INHBA: variants seen among roughly 807,000 people sequenced by gnomAD.
INHBA encodes the protein inhibin subunit beta A, also known as inhibin beta A chain.
INHBA carries 1 observed loss-of-function variant against 29.0 expected under a neutral mutation model. The ratio of observed to expected loss-of-function variants is 0.03; its 90% CI spans 0.01 to 0.16. The LOEUF (loss-of-function observed/expected upper bound fraction) is 0.16. INHBA is among the 10% of genes least tolerant of loss of function. The pLI, the probability that INHBA is intolerant of heterozygous loss-of-function variation, is 1.00. For missense variants in INHBA, 376 were observed against 545.4 expected (o/e 0.69, Z 3.09); for synonymous variants, 242 against 216.8 (o/e 1.12, Z -1.02).
chr7:41,690,136 C>T lies in INHBA; in HGVS notation c.795G>A (p.Glu265=), dbSNP rs376818031. ...VLLGKKKKKE[E]EGEGKKKGGG... ...CGCCCTTCTTTTTCCCTTCCCCCTC[C>T]TCTTCTTTCTTCTTCTTCTTGCCCA... The change falls in exon 3 of 3, where the codon GAG becomes GAA. Residue 265 remains glutamate, a synonymous_variant. Transcript: ENST00000242208. 16 of 1,613,490 alleles carry T rather than the reference C, an allele frequency of 9.9e-6. No homozygotes were observed. Among genetic ancestry groups the T allele is most frequent in the Non-Finnish European group, 1.4e-5 (16 of 1,179,976 alleles).
upstream of INHBA, chr7:41,705,183 T>G (rs987896956): frequency 1.3e-5 from 2 of 152,810 alleles, no homozygotes; most frequent in South Asian, 2.1e-4. Context: ...AGAATCTCCT[T>G]CTCCTTCCTT....
rs3030163 is a variant in INHBA at position 41,700,841 on chromosome 7, A to AAGAGAGAGAGAGAGAGAGAGAGAG, written c.-143-348_-143-325dup. Among the ~76,000 whole-genome samples, 134 of 79,140 alleles carry AAGAGAGAGAGAGAGAGAGAGAGAG rather than the reference A, an allele frequency of 1.7e-3. 6 individuals carry two copies. Among genetic ancestry groups the AAGAGAGAGAGAGAGAGAGAGAGAG allele is most frequent in the African/African-American group, 2.0e-3 (40 of 20,252 alleles). 51.9% of individuals were successfully genotyped at this position (79,140 alleles called of 152,430 possible). A position where few individuals can be genotyped will look rare whatever the true frequency, so the allele number is the denominator to read the frequency against. ...AGGGGGAGAGGGAGAGAGGGAAAGG[A>AAGAGAGAGAGAGAGAGAGAGAGAG]AGAGAGAGAGAGAGAGAGAGAGAGA... On this transcript the variant is annotated intron_variant, in intron 1 of 2. Transcript: ENST00000242208.
chr7:41,700,471 T>TA lies in INHBA; in HGVS notation c.-98_-97insT, dbSNP rs1562571146. The TA allele has an allele frequency of 2.5e-6, 3 of 1,179,352 alleles. No homozygotes were observed. Among genetic ancestry groups the TA allele is most frequent in the Non-Finnish European group, 2.2e-6 (2 of 891,334 alleles). The allele number at this position is 1,179,352 out of a possible 1,614,324, so 73.1% of individuals were successfully genotyped here. A position where few individuals can be genotyped will look rare whatever the true frequency, so the allele number is the denominator to read the frequency against. ...TTTTTGTGTGTGTGGATTTTTTTAT[T>TA]TTTTTTTTTGGTGTTTTTTTTTTCC... On this transcript the variant is annotated 5_prime_UTR_variant, in exon 2 of 3. Transcript: ENST00000242208.
At chr7:41,690,802 TA>T (rs1298490271) in intron 2 of INHBA, among the ~76,000 whole-genome samples, 1 of 152,240 alleles carries the variant, frequency 6.6e-6, no homozygotes, top group Non-Finnish European at 1.5e-5. Context: ...TTAGTGCCTG[TA>T]AATAAAGTTT....
rs1213851757 is a variant in INHBA, at chr7:41,689,513, GTTTTTTTTTGTT to G, written c.*125_*136del. 7.2e-5 allele frequency: 51 copies of G among 712,920 alleles called. No individual in the cohort carries two copies. The highest frequency in any genetic ancestry group is 4.4e-4 in the Middle Eastern group (1 of 2,278). The allele number at this position is 712,920 out of a possible 1,614,324, so 44.2% of individuals were successfully genotyped here. ...CAGGTTTTGTTTTTAATTTACTTTT[GTTTTTTTTTGTT>G]TTTTTTTTTGTTTTGTTTTTAATTT... is the stretch of plus-strand genomic sequence containing the variant. On this transcript the variant is annotated 3_prime_UTR_variant, in exon 3 of 3. Transcript: ENST00000242208.
chr7:41,693,715 T>A (rs918771029), intron 2 of INHBA, among the ~76,000 whole-genome samples: 16 of 152,228 alleles, frequency 1.1e-4, no homozygotes, highest in African/African-American at 3.6e-4. Flanking sequence ...AAAATGACTT[T>A]CATGCTGGTC....
chr7:41,699,310 G>C (rs971112760), intron 2 of INHBA, among the ~76,000 whole-genome samples: 1 of 152,064 alleles, frequency 6.6e-6, no homozygotes, highest in Non-Finnish European at 1.5e-5. Context: ...CTTTCAGAGA[G>C]CAAAAGTCAG....
rs972233495 is a variant in INHBA, at chr7:41,687,675, C to G, written c.*1975G>C. ...ACCTCTGCCTCCTCTTAACTGTTCT[C>G]TTCCTTACTCTCCCTCTCTTAACAC... is the stretch of plus-strand genomic sequence containing the variant. On this transcript the variant is annotated 3_prime_UTR_variant, in exon 3 of 3. Transcript: ENST00000242208. 1 of 152,116 alleles carries G rather than the reference C, an allele frequency of 6.6e-6. No homozygotes were observed. Among genetic ancestry groups the G allele is most frequent in the Admixed American group, 6.5e-5 (1 of 15,268 alleles). 9.4% of individuals were successfully genotyped at this position (152,116 alleles called of 1,614,324 possible). A position where few individuals can be genotyped will look rare whatever the true frequency, so the allele number is the denominator to read the frequency against.
At chr7:41,704,981 C>G, upstream of INHBA, among the ~76,000 whole-genome samples, 1 of 152,090 alleles carries the variant, frequency 6.6e-6, no homozygotes, top group Non-Finnish European at 1.5e-5. Flanking sequence ...GCCTACCAGC[C>G]GTGCTGCAAC....
chr7:41,701,325 G>C (rs1794790543), intron 1 of INHBA, among the ~76,000 whole-genome samples: 1 of 152,148 alleles, frequency 6.6e-6, no homozygotes, highest in South Asian at 2.1e-4. Flanking sequence ...GGAGGTCAGG[G>C]AAGAGGGACT....
In INHBA at chr7:41,700,841, AAGAGAGAGAGAGAG is replaced by A. The variant is rs3030163; in HGVS notation, c.-143-338_-143-325del. Among the ~76,000 whole-genome samples the A allele has an allele frequency of 2.0e-4, 16 of 79,096 alleles. 1 individual carries two copies. The highest frequency in any genetic ancestry group is 4.9e-4 in the Admixed American group (3 of 6,072). 51.9% of individuals were successfully genotyped at this position (79,096 alleles called of 152,430 possible). A position where few individuals can be genotyped will look rare whatever the true frequency, so the allele number is the denominator to read the frequency against. Reference sequence around the variant, plus strand: ...AGGGGGAGAGGGAGAGAGGGAAAGGAAGAGAGAGAGAGAGAGAGAGAGAGAGAGAGAGAGAGAAA... The same window carrying A: ...AGGGGGAGAGGGAGAGAGGGAAAGGAAGAGAGAGAGAGAGAGAGAGAGAAA... On this transcript the variant is annotated intron_variant, in intron 1 of 2. Coordinates refer to ENST00000242208, the MANE Select transcript of INHBA (RefSeq NM_002192.4).
At chr7:41,704,381 G>T (rs1187769425), upstream of INHBA, among the ~76,000 whole-genome samples, 1 of 152,042 alleles carries the variant, frequency 6.6e-6, no homozygotes, top group Non-Finnish European at 1.5e-5. Flanking sequence ...TGTAGAGGAA[G>T]AGAGTGAATC....
Position 41,697,561 on chromosome 7 carries a change from G to A in INHBA, c.388+2426C>T, listed in dbSNP as rs183356032. Among the ~76,000 whole-genome samples, 448 of 152,294 alleles carry A rather than the reference G, an allele frequency of 2.9e-3. 3 individuals are homozygous for A. Among genetic ancestry groups the A allele is most frequent in the South Asian group, 7.3e-3 (35 of 4,816 alleles). The stretch of plus-strand genomic sequence containing the variant: ...TTGAAGAATCTTGAGGTTGAAAGGG[G>A]CTGCTATGGGTCTGCATCTGTGGCA... On this transcript the variant is annotated intron_variant, in intron 2 of 2. Coordinates refer to ENST00000242208, the MANE Select transcript of INHBA (RefSeq NM_002192.4).
chr7:41,703,240 A>T (rs960494194), upstream of INHBA: 18 of 152,210 alleles, frequency 1.2e-4, no homozygotes, highest in African/African-American at 3.9e-4. Context: ...ATAATTCATT[A>T]TCTAATGGAA....
rs767729003 is a variant in INHBA, at chr7:41,699,974, T to TG, written c.388+12dup. On this transcript the variant is annotated intron_variant, in intron 2 of 2. Transcript: ENST00000242208. Reference sequence around the variant, plus strand: ...CCCACCCCTCCCCACCCCCTGCCAATGCCAGCACCAACCTGACTCGGCAAA... The same window carrying TG: ...CCCACCCCTCCCCACCCCCTGCCAATGGCCAGCACCAACCTGACTCGGCAAA... 258 of 658,378 alleles carry TG rather than the reference T, an allele frequency of 3.9e-4. 1 individual carries two copies. Among genetic ancestry groups the TG allele is most frequent in the Admixed American group, 6.0e-4 (20 of 33,434 alleles). 40.8% of individuals were successfully genotyped at this position (658,378 alleles called of 1,614,324 possible).
At chr7:41,698,989 C>T (rs1348656476) in intron 2 of INHBA, among the ~76,000 whole-genome samples, 1 of 152,176 alleles carries the variant, frequency 6.6e-6, no homozygotes, top group African/African-American at 2.4e-5. Flanking sequence ...GAAAGTAACA[C>T]GGTATTAACA....
rs533639979 is a variant in INHBA, at chr7:41,701,640, C to T, written c.-143-1123G>A. Among the ~76,000 whole-genome samples, 4 of 152,276 alleles carry T rather than the reference C, an allele frequency of 2.6e-5. No homozygotes were observed. In the East Asian group the frequency reaches 7.7e-4, roughly 29 times the overall value. ...CCCACTCACTCTCACACATTACAGC[C>T]TACCACCACTCGCCGGACTTCACAG... On this transcript the variant is annotated intron_variant, in intron 1 of 2. Coordinates refer to ENST00000242208, the MANE Select transcript of INHBA (RefSeq NM_002192.4).
rs1794479911 is a variant in INHBA at position 41,690,559 on chromosome 7, GCATAAGAGA to G, written c.389-26_389-18del. The G allele has an allele frequency of 6.4e-7, 1 of 1,556,434 alleles. No homozygotes were observed. The highest frequency in any genetic ancestry group is 1.4e-5 in the African/African-American group (1 of 72,860). ...TGGCTGTTCCTGAAGATGAAAGACA[GCATAAGAGA>G]AAACAGGCACACCTGTTAATTCCAA... On this transcript the variant is annotated intron_variant, in intron 2 of 2. Coordinates refer to ENST00000242208, the MANE Select transcript of INHBA (RefSeq NM_002192.4).
At chr7:41,692,151 C>T (rs1365665732) in intron 2 of INHBA, 5 of 152,130 alleles carry the variant, frequency 3.3e-5, no homozygotes, top group Non-Finnish European at 5.9e-5. Context: ...CAAATATTTT[C>T]CCTCACTTCC....
Sources: allele counts gnomAD v4.1 joint callset (sites outside exome capture counted in the v4.1 genomes callset), GRCh38; gene constraint gnomAD v4.1.1; transcripts MANE v1.5; gene names NCBI Gene and HGNC (gene_info 2026-07-23, HGNC 2026-07-21).